Variants in ZNF569 observed in about 807,000 individuals in gnomAD.
ZNF569 encodes zinc finger protein 569, also known as DNA-binding protein.
In ZNF569, 38 loss-of-function variants were observed where a neutral mutation model predicts 56.3. The ratio of observed to expected loss-of-function variants is 0.68; its 90% confidence interval spans 0.52 to 0.88. ZNF569 has a LOEUF of 0.88. ZNF569 is among the 40% of genes least tolerant of loss of function. ZNF569 has a pLI of 0.00. For synonymous variants in ZNF569, 241 were observed against 262.9 expected (o/e 0.92, Z 0.81); for missense variants, 666 against 809.2 (o/e 0.82, Z 2.15).
chr19:37,443,431 T>C (rs947666347), intron 3 of ZNF569, among the ~76,000 whole-genome samples: 1 of 152,128 alleles, frequency 6.6e-6, no homozygotes, highest in South Asian at 2.1e-4. Flanking sequence ...AAGTAAAATA[T>C]GTTCAGTATC....
intron 2 of ZNF569, among the ~76,000 whole-genome samples, chr19:37,449,647 CT>C (rs548886505): frequency 2.0e-3 from 277 of 138,378 alleles, no homozygotes; most frequent in South Asian, 9.6e-3. Flanking sequence ...GTTGCTTCCT[CT>C]TTTTTTTTTT....
intron 2 of ZNF569, among the ~76,000 whole-genome samples, chr19:37,463,435 C>A (rs1483474628): frequency 2.0e-5 from 3 of 152,158 alleles, no homozygotes; most frequent in Non-Finnish European, 4.4e-5. Flanking sequence ...AGTGTCAACA[C>A]CCCTACTGCA....
At chr19:37,431,499 T>A (rs1221210363) in intron 3 of ZNF569, 1 of 152,308 alleles carries the variant, frequency 6.6e-6, no homozygotes, top group Non-Finnish European at 1.5e-5. Context: ...ATTTATCACC[T>A]ACTGACTAAA....
At chr19:37,441,277 T>C (rs2041400927) in intron 3 of ZNF569, among the ~76,000 whole-genome samples, 1 of 152,166 alleles carries the variant, frequency 6.6e-6, no homozygotes, top group South Asian at 2.1e-4. Context: ...AAAAGTGTCA[T>C]GTCAAACTGA....
chr19:37,414,007 A>G lies in ZNF569; in HGVS notation c.651T>C (p.Ser217=), dbSNP rs776541895. 1 of 1,613,488 alleles carries G rather than the reference A, an allele frequency of 6.2e-7. No individual in the cohort carries two copies. ...IHTGEKPYEC[S]NCRKAFSHKE... is the part of the protein sequence containing the mutation. The stretch of plus-strand genomic sequence containing the variant: ...TGTGACTGAAGGCTTTTCTACAGTT[A>G]CTACATTCATAGGGCTTCTCTCCAG... The change falls in exon 6 of 6, where the codon AGT becomes AGC. Residue 217 remains serine, a synonymous_variant. Coordinates refer to ENST00000316950, the MANE Select transcript of ZNF569 (RefSeq NM_152484.3).
chr19:37,469,202 G>C, upstream of ZNF569: 1 of 1,278,236 alleles, frequency 7.8e-7, no homozygotes, highest in Non-Finnish European at 1.0e-6. Context: ...GTGGGGAGGA[G>C]GCCGTGTTAC....
intron 1 of ZNF569, chr19:37,466,673 C>T (rs1476986075): frequency 6.6e-6 from 1 of 152,290 alleles, no homozygotes. Flanking sequence ...ATGACCAAAG[C>T]TAAAGACATG....
At chr19:37,447,558 C>T (rs1046485081) in intron 2 of ZNF569, among the ~76,000 whole-genome samples, 1 of 152,080 alleles carries the variant, frequency 6.6e-6, no homozygotes, top group Admixed American at 6.5e-5. Context: ...CAGTTATATT[C>T]CTTCCTTTTC....
rs144589651 is a variant in ZNF569 at position 37,462,934 on chromosome 19, C to A, written c.-44+2379G>T. On this transcript the variant is annotated intron_variant, in intron 2 of 5. Coordinates refer to ENST00000316950, the MANE Select transcript of ZNF569 (RefSeq NM_152484.3). ...ATATCCAACTGCCAACTTGATATCT[C>A]CACTTGAATGTCTAATGGGCATTCT... Among the ~76,000 whole-genome samples, 777 of 152,262 alleles carry A rather than the reference C, an allele frequency of 5.1e-3. 9 individuals carry two copies. Among genetic ancestry groups the A allele is most frequent in the African/African-American group, 0.017 (688 of 41,548 alleles).
At chr19:37,442,152 G>A (rs2041417749) in intron 3 of ZNF569, among the ~76,000 whole-genome samples, 1 of 152,154 alleles carries the variant, frequency 6.6e-6, no homozygotes, top group South Asian at 2.1e-4. Context: ...ACATAAGCAA[G>A]TGAATAAGTG....
chr19:37,414,190 C>T lies in ZNF569; in HGVS notation c.468G>A (p.Val156=), dbSNP rs1382381556. 1.2e-5 allele frequency: 19 copies of T among 1,613,126 alleles called. No individual in the cohort carries two copies. Among genetic ancestry groups the T allele is most frequent in the Non-Finnish European group, 1.5e-5 (18 of 1,179,612 alleles). ...AATGCTCCTTTCTCATAAGGCATTT[C>T]ACATTATTATGACAGTCAAAATTAT... ...LEHNFDCHNN[V]KCLMRKEHCE... The change falls in exon 6 of 6, where the codon GTG becomes GTA. Residue 156 remains valine (V), a synonymous_variant. Coordinates refer to ENST00000316950, the MANE Select transcript of ZNF569 (RefSeq NM_152484.3).
At chr19:37,439,181 C>T (rs1213648583) in intron 3 of ZNF569, among the ~76,000 whole-genome samples, 1 of 152,166 alleles carries the variant, frequency 6.6e-6, no homozygotes, top group Non-Finnish European at 1.5e-5. Flanking sequence ...AGCGATTCTC[C>T]TGCCTCAGCC....
chr19:37,467,813 C>T (rs931756523), upstream of ZNF569: 4 of 1,456,792 alleles, frequency 2.7e-6, no homozygotes, highest in African/African-American at 2.8e-5. Context: ...TGCGAATATG[C>T]GACCTTTTGT....
At chr19:37,425,995 T>C in intron 4 of ZNF569, 32 bp from the exon 5 acceptor site, 2 of 1,607,186 alleles carry the variant, frequency 1.2e-6, no homozygotes, top group Non-Finnish European at 1.7e-6. Flanking sequence ...GATTTGGGCA[T>C]ACATACTAGG....
chr19:37,419,550 T>C (rs1163810869), intron 5 of ZNF569, among the ~76,000 whole-genome samples: 2 of 151,982 alleles, frequency 1.3e-5, no homozygotes. Flanking sequence ...GGTGAAACCC[T>C]GTCTCTACTA....
At chr19:37,451,127 C>T (rs531534040) in intron 2 of ZNF569, among the ~76,000 whole-genome samples, 215 of 152,174 alleles carry the variant, frequency 1.4e-3, no homozygotes, top group Non-Finnish European at 2.2e-3. Context: ...TGGCCAGGCA[C>T]GGTGGCTCAT....
In ZNF569 at chr19:37,413,892, T is replaced by G; in HGVS notation, c.766A>C (p.Asn256His). 1 of 1,613,252 alleles carries G rather than the reference T, an allele frequency of 6.2e-7. No individual in the cohort carries two copies. The highest frequency in any genetic ancestry group is 1.7e-5 in the Admixed American group (1 of 59,998). Residue 256 changes from asparagine (N) to histidine (H), a missense_variant, in exon 6 of 6, where the codon AAT becomes CAT. Coordinates refer to ENST00000316950, the MANE Select transcript of ZNF569 (RefSeq NM_152484.3). ...ECGKAFIKMSNLIRHQRIHTG... is the reference protein window; with the variant it reads ...ECGKAFIKMSHLIRHQRIHTG... ...TGAATTCTTTGATGTCTAATGAGAT[T>G]TGACATTTTAATGAAAGCTTTACCA...
chr19:37,464,624 T>C (rs1038126219), intron 2 of ZNF569, among the ~76,000 whole-genome samples: 14 of 152,138 alleles, frequency 9.2e-5, no homozygotes, highest in African/African-American at 3.1e-4. Context: ...CTGGGAACAA[T>C]AGGCTGTGCC....
chr19:37,424,902 C>T (rs183817658), intron 5 of ZNF569, among the ~76,000 whole-genome samples: 8 of 150,078 alleles, frequency 5.3e-5, no homozygotes, highest in Non-Finnish European at 8.9e-5. Context: ...AGGCAGATCA[C>T]GAGGTCAGGA....
Sources: allele counts gnomAD v4.1 joint callset (sites outside exome capture counted in the v4.1 genomes callset), GRCh38; gene constraint gnomAD v4.1.1; transcripts MANE v1.5; gene names NCBI Gene and HGNC (gene_info 2026-07-23, HGNC 2026-07-21).